The following ACAT1 variants were observed in gnomAD, a reference collection of about 807,000 sequenced individuals.
ACAT1 encodes the protein acetyl-CoA acetyltransferase, mitochondrial.
ACAT1 carries 28 observed loss-of-function variants against 47.3 expected under a neutral mutation model. The ratio of observed to expected loss-of-function variants is 0.59; its 90% CI spans 0.44 to 0.81. The LOEUF is 0.81. ACAT1 is among the 30% of genes least tolerant of loss of function. The probability of loss-of-function intolerance (pLI) is 0.00; values close to 1 mark genes in which losing one functional copy is unlikely to be tolerated. For missense variants in ACAT1, 469 were observed against 524.3 expected (o/e 0.89, Z 1.03); for synonymous variants, 181 against 173.6 (o/e 1.04, Z -0.34).
intron 5 of ACAT1, among the ~76,000 whole-genome samples, chr11:108,138,395 TCTA>T (rs1371638130): frequency 2.0e-5 from 3 of 151,422 alleles, no homozygotes; most frequent in Admixed American, 2.0e-4. Flanking sequence ...AATCTCCGCC[TCTA>T]CTTTTTTTTT....
At chr11:108,133,776 T>A in intron 2 of ACAT1, 44 bp from the exon 3 acceptor site, 1 of 1,448,210 alleles carries the variant, frequency 6.9e-7, no homozygotes, top group Non-Finnish European at 9.7e-7. Flanking sequence ...GAAATACGAT[T>A]TGGGTAAAAT....
chr11:108,131,372 T>TTTTTTTTTTTTTTTTTTTTTG (rs1555031491), intron 1 of ACAT1, among the ~76,000 whole-genome samples: 3 of 142,358 alleles, frequency 2.1e-5, no homozygotes, highest in South Asian at 2.3e-4. Flanking sequence ...TTTTTTTTTT[T>TTTTTTTTTTTTTTTTTTTTTG]AGACAGTCTT....
chr11:108,134,073 T>G (rs1168945019), intron 3 of ACAT1, 136 bp downstream of exon 3: 2 of 1,146,848 alleles, frequency 1.7e-6, no homozygotes, highest in African/African-American at 1.6e-5. Context: ...TGTAAAGAAG[T>G]CTTTGTACTA....
chr11:108,143,360 C>T (rs1201106748), intron 9 of ACAT1: 1 of 151,882 alleles, frequency 6.6e-6, no homozygotes, highest in Non-Finnish European at 1.5e-5. Context: ...ATGCATTTTC[C>T]TACAGAGGCA....
intron 1 of ACAT1, among the ~76,000 whole-genome samples, chr11:108,129,352 G>A (rs532782193): frequency 1.3e-5 from 2 of 152,266 alleles, no homozygotes; most frequent in South Asian, 4.1e-4. Flanking sequence ...ACATGCGTGT[G>A]CAAGTGTCTT....
At chr11:108,119,637 C>T (rs890735528), upstream of ACAT1, among the ~76,000 whole-genome samples, 10 of 97,994 alleles carry the variant, frequency 1.0e-4, no homozygotes, top group African/African-American at 3.5e-4. Context: ...TTAGAAATAT[C>T]TGTTTCTCTC....
rs1565298619 is a variant in ACAT1, at chr11:108,147,259, C to G, written c.1164-11C>G. On this transcript the variant is annotated splice_polypyrimidine_tract_variant and intron_variant, in intron 11 of 11. Coordinates refer to ENST00000265838, the MANE Select transcript of ACAT1 (RefSeq NM_000019.4). ...ACTTCATTAAAGAAGTAAATGCTTT[C>G]TTAATTTTAGGATGTCTGGAGCCAG... 1 of 1,613,474 alleles carries G rather than the reference C, an allele frequency of 6.2e-7. No individual in the cohort carries two copies. Among genetic ancestry groups the G allele is most frequent in the Non-Finnish European group, 8.5e-7 (1 of 1,179,644 alleles).
chr11:108,125,227 T>G (rs2077226210), intron 1 of ACAT1, among the ~76,000 whole-genome samples: 1 of 152,108 alleles, frequency 6.6e-6, no homozygotes, highest in South Asian at 2.1e-4. Flanking sequence ...GAGATAGGAG[T>G]GCTGACCTCT....
At position 108,147,188 on chromosome 11, in the gene ACAT1, GA is replaced by G. The variant is rs567474976; in HGVS notation, c.1164-80del. ...TAGTAGTGGCTAGTAAGGTTTTCAA[GA>G]AGTTAAATTGGAATAGAAACATTTT... On this transcript the variant is annotated intron_variant, in intron 11 of 11. Transcript: ENST00000265838. The G allele has an allele frequency of 1.7e-4, 255 of 1,534,206 alleles. No individual in the cohort carries two copies. The East Asian group carries it at 5.6e-3, about 34-fold the overall frequency.
At chr11:108,127,563 C>T (rs966069487) in intron 1 of ACAT1, among the ~76,000 whole-genome samples, 9 of 152,066 alleles carry the variant, frequency 5.9e-5, no homozygotes, top group African/African-American at 1.7e-4. Context: ...CCACTGTGCC[C>T]GGCCTCATAA....
At position 108,121,581 on chromosome 11, in the gene ACAT1, G is replaced by GA; in HGVS notation, c.-25dup. On this transcript the variant is annotated 5_prime_UTR_variant, in exon 1 of 12. Coordinates refer to ENST00000265838, the MANE Select transcript of ACAT1 (RefSeq NM_000019.4). ...AGGAGGCCGCTAGTCTACGCCTGTG[G>GA]AGCCGATACTCAGCCCTCTGCGACC... 2 of 1,549,478 alleles carry GA rather than the reference G, an allele frequency of 1.3e-6. No homozygotes were observed. The highest frequency in any genetic ancestry group is 1.7e-6 in the Non-Finnish European group (2 of 1,146,298).
At chr11:108,123,108 G>A (rs998077305) in intron 1 of ACAT1, among the ~76,000 whole-genome samples, 2 of 152,018 alleles carry the variant, frequency 1.3e-5, no homozygotes, top group Non-Finnish European at 2.9e-5. Context: ...GGTGGCAGGC[G>A]CCTGTAATCC....
upstream of ACAT1, among the ~76,000 whole-genome samples, chr11:108,116,825 G>A (rs1165400874): frequency 6.6e-6 from 1 of 152,120 alleles, no homozygotes; most frequent in Admixed American, 6.5e-5. Flanking sequence ...GAGAGGCATG[G>A]AACAGACTCT....
intron 5 of ACAT1, among the ~76,000 whole-genome samples, chr11:108,135,890 C>G (rs2077459291): frequency 6.6e-6 from 1 of 152,012 alleles, no homozygotes; most frequent in Non-Finnish European, 1.5e-5. Context: ...ACTAAAAATT[C>G]ATAAATACTG....
upstream of ACAT1, chr11:108,121,452 C>T: frequency 2.4e-6 from 2 of 843,790 alleles, no homozygotes; most frequent in Admixed American, 4.1e-5. Flanking sequence ...CAGGCTCCGC[C>T]CCGCCCTTGG....
chr11:108,120,975 A>G (rs550993447), upstream of ACAT1, among the ~76,000 whole-genome samples: 60 of 152,020 alleles, frequency 3.9e-4, no homozygotes, highest in Non-Finnish European at 7.8e-4. Flanking sequence ...CCGAGGAGGG[A>G]GGCTCACTTG....
Position 108,131,986 on chromosome 11 carries a change from C to T in ACAT1, c.120+32C>T, listed in dbSNP as rs1345467864. 4 of 1,396,584 alleles carry T rather than the reference C, an allele frequency of 2.9e-6. No homozygotes were observed. In the Admixed American group the frequency reaches 5.1e-5, roughly 18 times the overall value. 86.5% of individuals were successfully genotyped at this position (1,396,584 alleles called of 1,614,324 possible). On this transcript the variant is annotated intron_variant, in intron 2 of 11. Transcript: ENST00000265838. ...AATTTAAATTGTGCTTTAAAATTTC[C>T]AGAATTTAAAGGAAATGTCAATAAA...
intron 7 of ACAT1, among the ~76,000 whole-genome samples, chr11:108,140,699 T>C (rs912907704): frequency 6.6e-6 from 1 of 152,184 alleles, no homozygotes; most frequent in Non-Finnish European, 1.5e-5. Context: ...TATATAGGGT[T>C]CTCAAAAAGG....
At chr11:108,128,483 C>T (rs1025162080) in intron 1 of ACAT1, among the ~76,000 whole-genome samples, 2 of 152,106 alleles carry the variant, frequency 1.3e-5, no homozygotes, top group South Asian at 2.1e-4. Flanking sequence ...CCCAGGTACT[C>T]GGGAGGCTGA....
Sources: allele counts gnomAD v4.1 joint callset (sites outside exome capture counted in the v4.1 genomes callset), GRCh38; gene constraint gnomAD v4.1.1; transcripts MANE v1.5; gene names NCBI Gene and HGNC (gene_info 2026-07-23, HGNC 2026-07-21).